Variants in TMEM132C observed in about 807,000 individuals in gnomAD.
TMEM132C encodes the protein protein phosphatase 1, regulatory subunit 152.
TMEM132C carries 29 observed loss-of-function variants against 61.4 expected under a neutral mutation model. The ratio of observed to expected loss-of-function variants is 0.47; its 90% CI spans 0.35 to 0.64. TMEM132C has a LOEUF of 0.64. Ranked by LOEUF, TMEM132C falls within the 30% of genes least tolerant of loss-of-function variation. The pLI is 0.00. For synonymous variants in TMEM132C, 656 were observed against 633.1 expected (o/e 1.04, Z -0.54); for missense variants, 1,408 against 1,476.9 (o/e 0.95, Z 0.76).
intron 4 of TMEM132C, among the ~76,000 whole-genome samples, chr12:128,636,761 CT>C (rs1376376592): frequency 1.3e-5 from 2 of 152,298 alleles, no homozygotes; most frequent in African/African-American, 4.8e-5. Context: ...AGCGACATCT[CT>C]TCATTCCCCC....
intron 1 of TMEM132C, among the ~76,000 whole-genome samples, chr12:128,346,532 C>G (rs1873164737): frequency 6.6e-6 from 1 of 152,106 alleles, no homozygotes; most frequent in Non-Finnish European, 1.5e-5. Flanking sequence ...TCTTTCTATC[C>G]ATGAGCATGG....
At position 128,431,550 on chromosome 12, in the gene TMEM132C, C is replaced by CTTTTTT. The variant is rs386378189; in HGVS notation, c.974+15947_974+15952dup. ...TCTTGGATGACGATCCCATCTAGGA[C>CTTTTTT]TTTTTTTTTTTTTTTTTTTTTTGAG... On this transcript the variant is annotated intron_variant, in intron 2 of 8. Transcript: ENST00000435159. 1.9e-3 allele frequency among the ~76,000 whole-genome samples: 190 copies of CTTTTTT among 98,876 alleles called. 9 individuals carry two copies. Among genetic ancestry groups the CTTTTTT allele is most frequent in the African/African-American group, 2.3e-3 (54 of 23,826 alleles). The allele number at this position is 98,876 out of a possible 152,430, so 64.9% of individuals were successfully genotyped here. A position where few individuals can be genotyped will look rare whatever the true frequency, so the allele number is the denominator to read the frequency against.
chr12:128,495,972 G>A (rs1279109443), intron 2 of TMEM132C, among the ~76,000 whole-genome samples: 6 of 152,128 alleles, frequency 3.9e-5, no homozygotes, highest in Non-Finnish European at 5.9e-5. Context: ...GGCTAGTACC[G>A]GTTGTTTCTT....
At chr12:128,414,681 AT>A (rs1868691039) in intron 1 of TMEM132C, 50 bp from the exon 2 acceptor site, 1 of 1,459,202 alleles carries the variant, frequency 6.9e-7, no homozygotes, top group Non-Finnish European at 9.0e-7. Context: ...TGAGCAGCCC[AT>A]TAATAATCCT....
rs564459783 is a variant in TMEM132C, at chr12:128,497,004, G to T, written c.975-46953G>T. ...TCTGATGATGGTGACATACAGATGG[G>T]GTTTTGGCGTGGATGTCCTTTCTGT... On this transcript the variant is annotated intron_variant, in intron 2 of 8. Transcript: ENST00000435159. Among the ~76,000 whole-genome samples the T allele has an allele frequency of 3.9e-5, 6 of 152,160 alleles. 1 individual carries two copies. In the South Asian group the frequency reaches 8.3e-4, roughly 21 times the overall value.
intron 4 of TMEM132C, among the ~76,000 whole-genome samples, chr12:128,620,229 T>C (rs116957701): frequency 0.12 from 13,978 of 114,658 alleles, 849 homozygotes; most frequent in African/African-American, 0.21. Context: ...TGAGACCCTG[T>C]CTCAAAAAAA....
chr12:128,447,620 G>A (rs1259339422), intron 2 of TMEM132C, among the ~76,000 whole-genome samples: 8 of 146,428 alleles, frequency 5.5e-5, no homozygotes, highest in Non-Finnish European at 1.0e-4. Flanking sequence ...CTGGCTCACT[G>A]AATTTCTCAT....
At chr12:128,444,747 C>T (rs776971476) in intron 2 of TMEM132C, among the ~76,000 whole-genome samples, 6 of 152,314 alleles carry the variant, frequency 3.9e-5, no homozygotes, top group East Asian at 1.9e-4. Flanking sequence ...GCAAGTCTTG[C>T]GTGGCCCCAC....
intron 1 of TMEM132C, among the ~76,000 whole-genome samples, chr12:128,381,918 AC>A (rs1481233157): frequency 6.6e-6 from 1 of 151,466 alleles, no homozygotes; most frequent in East Asian, 1.9e-4. Flanking sequence ...GAGGAAGACA[AC>A]CCCGCAAAGG....
intron 1 of TMEM132C, among the ~76,000 whole-genome samples, chr12:128,273,397 T>A (rs1268692324): frequency 1.3e-5 from 2 of 152,160 alleles, no homozygotes; most frequent in African/African-American, 4.8e-5. Flanking sequence ...TATGGTAATA[T>A]CTTTTTCATC....
At chr12:128,489,910 C>T (rs1384800457) in intron 2 of TMEM132C, among the ~76,000 whole-genome samples, 1 of 152,096 alleles carries the variant, frequency 6.6e-6, no homozygotes, top group Non-Finnish European at 1.5e-5. Flanking sequence ...AACAAAAGAA[C>T]CTGGATGTTC....
chr12:128,613,237 C>T (rs1269687654), intron 3 of TMEM132C, among the ~76,000 whole-genome samples: 1 of 152,156 alleles, frequency 6.6e-6, no homozygotes, highest in Non-Finnish European at 1.5e-5. Flanking sequence ...AGTACTGGTA[C>T]CCAGTGGCAG....
chr12:128,647,468 C>T (rs927201614), intron 4 of TMEM132C, among the ~76,000 whole-genome samples: 11 of 151,288 alleles, frequency 7.3e-5, no homozygotes, highest in Non-Finnish European at 1.0e-4. Context: ...TAGAGTCCAT[C>T]AGCATTGGAT....
chr12:128,629,722 C>G (rs1433449644), intron 4 of TMEM132C, among the ~76,000 whole-genome samples: 4 of 152,156 alleles, frequency 2.6e-5, no homozygotes, highest in African/African-American at 9.7e-5. Context: ...AATCCCAGCA[C>G]TTTGGGAGGC....
chr12:128,398,549 T>A (rs139000910), intron 1 of TMEM132C, among the ~76,000 whole-genome samples: 1 of 152,278 alleles, frequency 6.6e-6, no homozygotes, highest in East Asian at 1.9e-4. Flanking sequence ...AATAAAATTT[T>A]AAAAAATACA....
intron 3 of TMEM132C, among the ~76,000 whole-genome samples, chr12:128,583,492 T>C (rs1298941750): frequency 6.6e-6 from 1 of 152,076 alleles, no homozygotes; most frequent in African/African-American, 2.4e-5. Context: ...AGCAATCATC[T>C]CTAGAAAGGC....
At chr12:128,461,266 A>G (rs964873678) in intron 2 of TMEM132C, among the ~76,000 whole-genome samples, 1 of 152,186 alleles carries the variant, frequency 6.6e-6, no homozygotes, top group African/African-American at 2.4e-5. Flanking sequence ...GACAAGGGAC[A>G]TAGAACTGTG....
At chr12:128,634,824 G>T (rs1954089672) in intron 4 of TMEM132C, among the ~76,000 whole-genome samples, 1 of 152,194 alleles carries the variant, frequency 6.6e-6, no homozygotes, top group African/African-American at 2.4e-5. Context: ...CTCTGGCTTT[G>T]CCTGTGCCAG....
At chr12:128,365,414 T>G (rs4882748) in intron 1 of TMEM132C, among the ~76,000 whole-genome samples, 1 of 152,044 alleles carries the variant, frequency 6.6e-6, no homozygotes, top group Non-Finnish European at 1.5e-5. Flanking sequence ...TTTTACACTA[T>G]TATACTATTA....
Sources: allele counts gnomAD v4.1 joint callset (sites outside exome capture counted in the v4.1 genomes callset), GRCh38; gene constraint gnomAD v4.1.1; transcripts MANE v1.5; gene names NCBI Gene and HGNC (gene_info 2026-07-23, HGNC 2026-07-21).